The following FRMD4B variants were observed in gnomAD, a reference collection of about 807,000 sequenced individuals.
FRMD4B encodes the protein FERM domain containing 4B.
Under a neutral mutation model 141.5 loss-of-function variants are expected in FRMD4B, and 74 were observed. That is an observed-to-expected ratio of 0.52 (90% CI 0.43 to 0.63). FRMD4B has a LOEUF of 0.63. Among genes scored for constraint, FRMD4B ranks in the 30% least tolerant of loss-of-function variants. The probability of loss-of-function intolerance (pLI) is 0.00; values close to 1 mark genes in which losing one functional copy is unlikely to be tolerated. For missense variants in FRMD4B, 1,366 were observed against 1,253.4 expected, an observed-to-expected ratio of 1.09 and a Z score of -1.36; for synonymous variants, 506 against 467.9, an observed-to-expected ratio of 1.08 and a Z score of -1.05.
rs1222729127 is a variant in FRMD4B, at chr3:69,366,713, CCTT to C, written c.162+19112_162+19114del. Among the ~76,000 whole-genome samples, 3 of 151,858 alleles carry C rather than the reference CCTT, an allele frequency of 2.0e-5. 1 individual carries two copies. The highest frequency in any genetic ancestry group is 4.8e-5 in the African/African-American group (2 of 41,392). On this transcript the variant is annotated intron_variant, in intron 1 of 22. Transcript: ENST00000398540. ...AGTTCTTAAAAGAGCACAAACACGA[CCTT>C]TTTTTTCAATAGTATTCATATCAAT...
chr3:69,188,775 A>AAAGAAAAAAAAAAC (rs2092800769), intron 18 of FRMD4B, among the ~76,000 whole-genome samples: 1 of 148,198 alleles, frequency 6.7e-6, no homozygotes, highest in East Asian at 2.2e-4. Context: ...AAAAAAAAAA[A>AAAGAAAAAAAAAAC]AAAAAAAAAC....
In FRMD4B at chr3:69,276,312, G is replaced by A. The variant is rs946800984; in HGVS notation, c.501+11440C>T. ...GAGACAGACAGGGTCTTACTCTGTCGCCCAGGCTGGAGTGCAGTGGCACAG... is the reference window on the plus strand; with the variant it reads ...GAGACAGACAGGGTCTTACTCTGTCACCCAGGCTGGAGTGCAGTGGCACAG... On this transcript the variant is annotated intron_variant, in intron 5 of 22. Transcript: ENST00000398540. Among the ~76,000 whole-genome samples, 11 of 152,044 alleles carry A rather than the reference G, an allele frequency of 7.2e-5. No individual in the cohort carries two copies. In the South Asian group the frequency reaches 8.3e-4, roughly 11 times the overall value.
At chr3:69,195,404 G>C (rs1431527133) in intron 14 of FRMD4B, 40 bp from the exon 15 acceptor site, 2 of 1,540,738 alleles carry the variant, frequency 1.3e-6, no homozygotes, top group South Asian at 1.2e-5. Context: ...TTATACAAGG[G>C]ATGTTTCCTT....
intron 13 of FRMD4B, 127 bp from the exon 14 acceptor site, chr3:69,196,523 G>A: frequency 1.4e-6 from 1 of 708,462 alleles, no homozygotes; most frequent in Non-Finnish European, 2.2e-6. Context: ...TATTCAAGTG[G>A]CATTCTTCAG....
chr3:69,448,236 G>C (rs1705439450), intron 1 of FRMD4B, among the ~76,000 whole-genome samples: 1 of 152,052 alleles, frequency 6.6e-6, no homozygotes, highest in Non-Finnish European at 1.5e-5. Context: ...CACCATGTTA[G>C]CCAGGCTGGT....
chr3:69,338,053 A>C (rs1166430576), intron 1 of FRMD4B, among the ~76,000 whole-genome samples: 1 of 152,248 alleles, frequency 6.6e-6, no homozygotes, highest in Admixed American at 6.5e-5. Context: ...ACTTGGAACC[A>C]ACCCAAATGT....
chr3:69,528,512 A>T (rs1258631797), intron 1 of FRMD4B, among the ~76,000 whole-genome samples: 1 of 151,974 alleles, frequency 6.6e-6, no homozygotes, highest in Non-Finnish European at 1.5e-5. Flanking sequence ...CTACAGGCCC[A>T]TGCCACCATG....
intron 1 of FRMD4B, among the ~76,000 whole-genome samples, chr3:69,496,612 T>TGAGA (rs142597397): frequency 2.3e-4 from 20 of 88,200 alleles, no homozygotes; most frequent in African/African-American, 7.6e-4. Flanking sequence ...AGAGAGAGAG[T>TGAGA]GAGAGAGAGA....
rs914019846 is a variant in FRMD4B, at chr3:69,445,333, C to G, written c.-128-12572G>C. ...TTACAAATACTGCTATTCCAGTCTTCGGAGCAATTCGGTCTCTGCTCTAAC... is the reference window on the plus strand; with the variant it reads ...TTACAAATACTGCTATTCCAGTCTTGGGAGCAATTCGGTCTCTGCTCTAAC... On this transcript the variant is annotated intron_variant, in intron 1 of 5. Transcript: ENST00000459638. Among the ~76,000 whole-genome samples, 114 of 152,310 alleles carry G rather than the reference C, an allele frequency of 7.5e-4. 2 individuals are homozygous for G. The highest frequency in any genetic ancestry group is 2.7e-3 in the African/African-American group (111 of 41,564).
chr3:69,399,696 G>A (rs1704528361), intron 2 of FRMD4B, among the ~76,000 whole-genome samples: 1 of 152,160 alleles, frequency 6.6e-6, no homozygotes, highest in African/African-American at 2.4e-5. Context: ...ATTGAATCCA[G>A]TGAACTCCCA....
chr3:69,245,150 A>G (rs2093413701), intron 7 of FRMD4B, among the ~76,000 whole-genome samples: 1 of 152,182 alleles, frequency 6.6e-6, no homozygotes, highest in African/African-American at 2.4e-5. Context: ...TGTAAGTCCC[A>G]TTTTACAGAT....
At chr3:69,495,558 C>A (rs1327699685) in intron 1 of FRMD4B, among the ~76,000 whole-genome samples, 1 of 152,170 alleles carries the variant, frequency 6.6e-6, no homozygotes, top group Non-Finnish European at 1.5e-5. Context: ...GCTTGGTAGA[C>A]AAGAGCACGA....
intron 1 of FRMD4B, among the ~76,000 whole-genome samples, chr3:69,352,096 T>C (rs1703169862): frequency 6.6e-6 from 1 of 152,146 alleles, no homozygotes. Context: ...GGACTTGGTA[T>C]ATCTGGGAAT....
intron 2 of FRMD4B, among the ~76,000 whole-genome samples, chr3:69,391,784 A>T (rs1164596648): frequency 6.6e-6 from 1 of 152,190 alleles, no homozygotes. Context: ...GCTGGCTGGG[A>T]TGGCTCCTCC....
At chr3:69,237,038 G>C (rs1405346718) in intron 7 of FRMD4B, among the ~76,000 whole-genome samples, 3 of 152,176 alleles carry the variant, frequency 2.0e-5, no homozygotes, top group Admixed American at 2.0e-4. Flanking sequence ...AATTCATTTG[G>C]TCCAACCCCT....
At chr3:69,524,706 C>A (rs948616812) in intron 1 of FRMD4B, among the ~76,000 whole-genome samples, 1 of 152,132 alleles carries the variant, frequency 6.6e-6, no homozygotes, top group Non-Finnish European at 1.5e-5. Context: ...GAAGGAAGAA[C>A]AAGTAGAAGG....
At chr3:69,433,607 T>C (rs60626580) in intron 1 of FRMD4B, among the ~76,000 whole-genome samples, 1 of 152,332 alleles carries the variant, frequency 6.6e-6, no homozygotes, top group African/African-American at 2.4e-5. Flanking sequence ...GGGGATTTCC[T>C]CACAAACACC....
intron 1 of FRMD4B, among the ~76,000 whole-genome samples, chr3:69,493,635 T>TCAATGCCATCCCCATCAAGC (rs1706338338): frequency 6.6e-6 from 1 of 152,150 alleles, no homozygotes; most frequent in African/African-American, 2.4e-5. Context: ...CTCCTAGCAT[T>TCAATGCCATCCCCATCAAGC]TACAGCCTCT....
chr3:69,200,777 G>A (rs907107896), intron 11 of FRMD4B: 4 of 823,522 alleles, frequency 4.9e-6, no homozygotes, highest in South Asian at 2.8e-5. Flanking sequence ...ACCGGAGGCT[G>A]TTTTAGGAAG....
Sources: gnomAD v4.1 joint callset for allele counts (sites outside exome capture counted in the v4.1 genomes callset) on GRCh38, gnomAD v4.1.1 for gene constraint, MANE v1.5 for transcripts, NCBI Gene and HGNC (gene_info 2026-07-23, HGNC 2026-07-21) for gene names.